Variants in RTN4 observed in about 807,000 individuals in gnomAD.
The protein encoded by RTN4 is reticulon-4.
RTN4 carries 32 observed loss-of-function variants against 90.4 expected under a neutral mutation model. The ratio of observed to expected loss-of-function variants is 0.35; its 90% CI spans 0.27 to 0.48. RTN4 has a LOEUF of 0.48. Among genes scored for constraint, RTN4 ranks in the 20% least tolerant of loss-of-function variants. RTN4 has a pLI of 0.99. For synonymous variants in RTN4, 629 were observed against 552.5 expected, an observed-to-expected ratio of 1.14 and a Z score of -1.94; for missense variants, 1,706 against 1,430.2, an observed-to-expected ratio of 1.19 and a Z score of -3.11.
chr2:55,107,299 T>C (rs990966132), intron 1 of RTN4, among the ~76,000 whole-genome samples: 5 of 149,662 alleles, frequency 3.3e-5, no homozygotes, highest in Middle Eastern at 3.5e-3. Context: ...CATTCAGTGA[T>C]AGCATTTAAG....
At chr2:55,117,366 G>A (rs1668143993), upstream of RTN4, among the ~76,000 whole-genome samples, 1 of 152,136 alleles carries the variant, frequency 6.6e-6, no homozygotes, top group Non-Finnish European at 1.5e-5. Context: ...GCCTCTTCCT[G>A]AAGGGCCTCC....
At chr2:55,033,255 A>G (rs763881880) in intron 1 of RTN4, among the ~76,000 whole-genome samples, 1 of 152,174 alleles carries the variant, frequency 6.6e-6, no homozygotes, top group Non-Finnish European at 1.5e-5. Context: ...GTAAACAACA[A>G]TAAGAATGAC....
At chr2:55,028,271 G>A (rs1008053628) in intron 1 of RTN4, 51 bp from the exon 2 acceptor site, 5 of 1,529,984 alleles carry the variant, frequency 3.3e-6, no homozygotes, top group Admixed American at 1.8e-5. Context: ...CAGATTGAAA[G>A]GAGACTAAAG....
Position 55,061,961 on chromosome 2 carries a change from A to G in RTN4, c.-63+18528T>C, listed in dbSNP as rs189574982. ...AACACACAAAAACGGCTGGACGTTG[A>G]GAGAAGCACATTGGCGGAGGAACAC... is the stretch of plus-strand genomic sequence containing the variant. On this transcript the variant is annotated intron_variant, in intron 2 of 3. Transcript: ENST00000427710. 2.8e-3 allele frequency among the ~76,000 whole-genome samples: 431 copies of G among 152,290 alleles called. 2 individuals are homozygous for G. The highest frequency in any genetic ancestry group is 1.0e-2 in the African/African-American group (414 of 41,554).
intron 3 of RTN4, among the ~76,000 whole-genome samples, chr2:55,012,095 T>C (rs201020835): frequency 2.0e-5 from 3 of 152,244 alleles, no homozygotes; most frequent in East Asian, 1.9e-4. Flanking sequence ...TCAACTATAG[T>C]ACTCAAACAC....
intron 1 of RTN4, among the ~76,000 whole-genome samples, chr2:55,108,927 G>A (rs1400942732): frequency 6.6e-6 from 1 of 152,000 alleles, no homozygotes; most frequent in African/African-American, 2.4e-5. Context: ...CATCCCTAAG[G>A]AAACTCTGTG....
chr2:55,122,700 G>A, the RTN4 span, among the ~76,000 whole-genome samples: 1 of 152,268 alleles, frequency 6.6e-6, no homozygotes, highest in African/African-American at 2.4e-5. Context: ...CAGTGGTGGT[G>A]GGGACAGCAG....
At chr2:54,973,954 A>AAGAT (rs1276222650) in intron 6 of RTN4, 87 bp from the exon 7 acceptor site, 5 of 1,137,714 alleles carry the variant, frequency 4.4e-6, no homozygotes, top group African/African-American at 3.1e-5. Context: ...CTGGCAACTC[A>AAGAT]AGATAACCAA....
intron 3 of RTN4, among the ~76,000 whole-genome samples, chr2:54,988,359 C>CTA (rs1178187913): frequency 6.6e-6 from 1 of 151,984 alleles, no homozygotes; most frequent in Admixed American, 6.6e-5. Flanking sequence ...ACAATGCATG[C>CTA]TATATATTCA....
At chr2:55,133,015 C>T in the RTN4 span, among the ~76,000 whole-genome samples, 1 of 151,616 alleles carries the variant, frequency 6.6e-6, no homozygotes, top group Non-Finnish European at 1.5e-5. Context: ...AGTTCAAGAT[C>T]ATCCTGACCA....
intron 1 of RTN4, among the ~76,000 whole-genome samples, chr2:55,046,021 C>T (rs530917994): frequency 6.6e-6 from 1 of 152,158 alleles, no homozygotes; most frequent in Non-Finnish European, 1.5e-5. Context: ...GATGGAGATG[C>T]TCTGGGCACA....
intron 1 of RTN4, among the ~76,000 whole-genome samples, chr2:55,043,445 C>T (rs989264907): frequency 6.6e-6 from 1 of 152,122 alleles, no homozygotes; most frequent in African/African-American, 2.4e-5. Context: ...TAATAAGTTG[C>T]TTGAAGGTAT....
rs189904551 is a variant in RTN4, at chr2:55,099,222, G to A, written c.-214+13298C>T. On this transcript the variant is annotated intron_variant, in intron 1 of 3. Transcript: ENST00000427710. ...AAAAAAATGGTAGAATTTATTTACC[G>A]GTTATCAGTTCAATAATGAGTTGCC... 9.4e-4 allele frequency among the ~76,000 whole-genome samples: 143 copies of A among 152,164 alleles called. 1 individual carries two copies. The highest frequency in any genetic ancestry group is 3.8e-3 in the Admixed American group (58 of 15,276).
intron 2 of RTN4, among the ~76,000 whole-genome samples, chr2:55,067,527 C>T (rs1373816351): frequency 6.6e-6 from 1 of 151,908 alleles, no homozygotes; most frequent in African/African-American, 2.4e-5. Context: ...ATTCTTGTGC[C>T]TCAGCCTCCC....
chr2:55,077,966 C>T (rs563832528), intron 2 of RTN4, among the ~76,000 whole-genome samples: 69 of 150,720 alleles, frequency 4.6e-4, no homozygotes, highest in African/African-American at 1.4e-3. Context: ...TGTGAGGATG[C>T]AAAGGCATAA....
At chr2:55,043,049 G>C (rs1573461318) in intron 1 of RTN4, among the ~76,000 whole-genome samples, 1 of 152,218 alleles carries the variant, frequency 6.6e-6, no homozygotes, top group South Asian at 2.1e-4. Context: ...CTCCTCCTTT[G>C]GGGTTAAAAA....
chr2:55,137,799 G>A, the RTN4 span, among the ~76,000 whole-genome samples: 1 of 152,110 alleles, frequency 6.6e-6, no homozygotes, highest in Non-Finnish European at 1.5e-5. Context: ...CTGGGCAAGC[G>A]GAACCTGCCG....
intron 1 of RTN4, among the ~76,000 whole-genome samples, chr2:55,042,399 A>G (rs1683136754): frequency 6.6e-6 from 1 of 152,202 alleles, no homozygotes; most frequent in Non-Finnish European, 1.5e-5. Context: ...ATAACCATCA[A>G]TAAGGGACTG....
intron 1 of RTN4, among the ~76,000 whole-genome samples, chr2:55,109,743 A>C (rs1447549813): frequency 6.6e-6 from 1 of 152,230 alleles, no homozygotes; most frequent in East Asian, 1.9e-4. Flanking sequence ...GACTCAGAGC[A>C]TATGTTGACC....
Sources: allele counts gnomAD v4.1 joint callset (sites outside exome capture counted in the v4.1 genomes callset), GRCh38; gene constraint gnomAD v4.1.1; transcripts MANE v1.5; gene names NCBI Gene and HGNC (gene_info 2026-07-23, HGNC 2026-07-21).